MIPEP: variants seen among roughly 807,000 people sequenced by gnomAD.
MIPEP encodes the protein mitochondrial intermediate peptidase.
A neutral mutation model predicts 90.3 loss-of-function variants in MIPEP; 79 were observed. That is an observed-to-expected ratio of 0.87 (90% CI 0.73 to 1.05). The LOEUF (loss-of-function observed/expected upper bound fraction) is 1.05. Ranked by LOEUF, MIPEP falls within the 50% of genes least tolerant of loss-of-function variation. The pLI is 0.00. For missense variants in MIPEP, 940 were observed against 905.6 expected (o/e 1.04, Z -0.49); for synonymous variants, 334 against 315.8 (o/e 1.06, Z -0.61).
At chr13:23,832,154 A>G (rs1868800276) in intron 14 of MIPEP, among the ~76,000 whole-genome samples, 1 of 152,096 alleles carries the variant, frequency 6.6e-6, no homozygotes, top group Non-Finnish European at 1.5e-5. Context: ...ATTGATTATA[A>G]TGGATTAAGA....
At chr13:23,884,546 G>A (rs940106517) in intron 2 of MIPEP, among the ~76,000 whole-genome samples, 9 of 152,138 alleles carry the variant, frequency 5.9e-5, no homozygotes, top group African/African-American at 1.2e-4. Context: ...TGCACCACAC[G>A]CTGGCCAGCT....
At chr13:23,760,552 GA>G (rs758204488) in intron 16 of MIPEP, 13 of 553,254 alleles carry the variant, frequency 2.3e-5, no homozygotes, top group Admixed American at 1.2e-4. Context: ...GGAAGAGGAG[GA>G]AAGGTGGATG....
intron 9 of MIPEP, among the ~76,000 whole-genome samples, chr13:23,860,047 G>T (rs1318090485): frequency 6.6e-6 from 1 of 152,132 alleles, no homozygotes; most frequent in African/African-American, 2.4e-5. Flanking sequence ...TTTGCTATCT[G>T]CTAGATGCAG....
At chr13:23,768,308 C>A (rs902389952) in intron 16 of MIPEP, among the ~76,000 whole-genome samples, 1 of 152,208 alleles carries the variant, frequency 6.6e-6, no homozygotes, top group Non-Finnish European at 1.5e-5. Flanking sequence ...ACACCTGTAA[C>A]TTTTAACTTT....
chr13:23,799,466 A>G (rs1185350747), intron 16 of MIPEP, among the ~76,000 whole-genome samples: 1 of 152,114 alleles, frequency 6.6e-6, no homozygotes, highest in Non-Finnish European at 1.5e-5. Flanking sequence ...AGCTGGGGCT[A>G]CATGCGCCCG....
intron 14 of MIPEP, among the ~76,000 whole-genome samples, chr13:23,811,412 T>A (rs1257661460): frequency 1.3e-5 from 2 of 152,150 alleles, no homozygotes; most frequent in Non-Finnish European, 1.5e-5. Context: ...AAGATAACTA[T>A]AAGAAAAATT....
At chr13:23,754,413 A>G (rs1443149232) in intron 18 of MIPEP, among the ~76,000 whole-genome samples, 1 of 152,242 alleles carries the variant, frequency 6.6e-6, no homozygotes, top group Non-Finnish European at 1.5e-5. Context: ...ATTAAAATGT[A>G]AAAGTAGAAT....
intron 18 of MIPEP, among the ~76,000 whole-genome samples, chr13:23,744,597 T>C (rs1264563936): frequency 6.6e-6 from 1 of 152,220 alleles, no homozygotes; most frequent in African/African-American, 2.4e-5. Context: ...TACAGCAACA[T>C]GCATAGTACT....
intron 16 of MIPEP, among the ~76,000 whole-genome samples, chr13:23,783,192 G>A (rs4460922): frequency 0.21 from 31,744 of 152,010 alleles, 3,944 homozygotes; most frequent in East Asian, 0.43. Context: ...ATGAACATCA[G>A]TGCAAAAATC....
At chr13:23,824,199 A>G (rs1953340936) in intron 14 of MIPEP, among the ~76,000 whole-genome samples, 1 of 152,256 alleles carries the variant, frequency 6.6e-6, no homozygotes, top group Admixed American at 6.5e-5. Context: ...GTAATCTCAT[A>G]AACTTGCTAA....
intron 14 of MIPEP, among the ~76,000 whole-genome samples, chr13:23,819,330 T>C (rs1014594830): frequency 6.6e-6 from 1 of 152,210 alleles, no homozygotes; most frequent in Admixed American, 6.5e-5. Flanking sequence ...TGAGTCAGTG[T>C]CATATGGAAG....
chr13:23,886,250 A>T, intron 2 of MIPEP, 83 bp downstream of exon 2: 1 of 1,095,518 alleles, frequency 9.1e-7, no homozygotes, highest in Non-Finnish European at 1.2e-6. Context: ...TAATATTAAT[A>T]GTAAACAACA....
intron 16 of MIPEP, among the ~76,000 whole-genome samples, chr13:23,799,296 C>T (rs1213591878): frequency 6.6e-6 from 1 of 151,444 alleles, no homozygotes; most frequent in African/African-American, 2.4e-5. Flanking sequence ...AGGCATGAGC[C>T]ACCACACCCA....
chr13:23,811,690 G>A (rs1953173308), intron 14 of MIPEP, among the ~76,000 whole-genome samples: 2 of 152,114 alleles, frequency 1.3e-5, no homozygotes, highest in Admixed American at 1.3e-4. Flanking sequence ...CTAAAGAACT[G>A]GTCTTTGAGA....
At chr13:23,872,402 G>A (rs1410607571) in intron 5 of MIPEP, among the ~76,000 whole-genome samples, 7 of 152,200 alleles carry the variant, frequency 4.6e-5, no homozygotes, top group East Asian at 3.9e-4. Flanking sequence ...CGGAGGTTGC[G>A]GTGAGCCAAG....
chr13:23,839,949 A>C (rs2296571), intron 11 of MIPEP, among the ~76,000 whole-genome samples: 1 of 152,168 alleles, frequency 6.6e-6, no homozygotes, highest in East Asian at 1.9e-4. Flanking sequence ...CAGGACAGGA[A>C]ATCCTCCTCA....
At chr13:23,763,689 A>C (rs1378946117) in intron 16 of MIPEP, among the ~76,000 whole-genome samples, 1 of 152,212 alleles carries the variant, frequency 6.6e-6, no homozygotes, top group Non-Finnish European at 1.5e-5. Context: ...GGATTTGTGC[A>C]TGCATCATTT....
At chr13:23,771,869 C>CGGGA (rs1210178883) in intron 16 of MIPEP, among the ~76,000 whole-genome samples, 1 of 152,116 alleles carries the variant, frequency 6.6e-6, no homozygotes, top group Non-Finnish European at 1.5e-5. Flanking sequence ...TGAAAGATCC[C>CGGGA]CCTAAGATCC....
intron 16 of MIPEP, among the ~76,000 whole-genome samples, chr13:23,803,437 T>A (rs962137998): frequency 1.3e-5 from 2 of 152,192 alleles, no homozygotes; most frequent in Non-Finnish European, 2.9e-5. Context: ...CTTCTAAAAT[T>A]TAAAGCTTTA....
Sources: gnomAD v4.1 joint callset for allele counts (sites outside exome capture counted in the v4.1 genomes callset) on GRCh38, gnomAD v4.1.1 for gene constraint, MANE v1.5 for transcripts, NCBI Gene and HGNC (gene_info 2026-07-23, HGNC 2026-07-21) for gene names.